ERG: variants seen among roughly 807,000 people sequenced by gnomAD.
ERG encodes the protein transcriptional regulator ERG.
A neutral mutation model predicts 55.3 loss-of-function variants in ERG; 9 were observed. The observed-to-expected ratio is 0.16, with a 90% CI of 0.10 to 0.28. The LOEUF (loss-of-function observed/expected upper bound fraction) is 0.28, where lower values mean the gene tolerates loss of function less well. ERG is among the 10% of genes least tolerant of loss of function. ERG has a pLI of 1.00. For missense variants in ERG, 434 were observed against 631.6 expected (o/e 0.69, Z 3.35); for synonymous variants, 223 against 237.3 (o/e 0.94, Z 0.55).
intron 2 of ERG, among the ~76,000 whole-genome samples, chr21:38,542,205 G>A (rs1234385172): frequency 6.6e-6 from 1 of 152,060 alleles, no homozygotes; most frequent in Non-Finnish European, 1.5e-5. Context: ...GGCCAGGCTG[G>A]TCTCGAACTC....
At position 38,421,801 on chromosome 21, in the gene ERG, T is replaced by C. The variant is rs773122145; in HGVS notation, c.388+1609A>G. On this transcript the variant is annotated intron_variant, in intron 3 of 9. Transcript: ENST00000288319. ...ACTGGCCCTGGAGATAGGGCCTTTG[T>C]GGGGCTTATGTTCCATTCAGGGAAG... is the stretch of plus-strand genomic sequence containing the variant. Among the ~76,000 whole-genome samples the C allele has an allele frequency of 9.1e-4, 138 of 152,194 alleles. 2 individuals are homozygous for C. The highest frequency in any genetic ancestry group is 5.1e-4 in the Non-Finnish European group (35 of 68,028).
At chr21:38,392,310 T>C in intron 7 of ERG, 66 bp downstream of exon 7, 1 of 1,281,008 alleles carries the variant, frequency 7.8e-7, no homozygotes, top group Non-Finnish European at 1.1e-6. Flanking sequence ...AATTATTATA[T>C]ACTCCATCAA....
At chr21:38,448,604 G>A (rs2058913379) in intron 1 of ERG, among the ~76,000 whole-genome samples, 1 of 152,172 alleles carries the variant, frequency 6.6e-6, no homozygotes, top group Non-Finnish European at 1.5e-5. Context: ...TACACATTTT[G>A]GGAGTAAGAA....
At chr21:38,617,799 C>G (rs2060267374) in intron 1 of ERG, among the ~76,000 whole-genome samples, 1 of 152,210 alleles carries the variant, frequency 6.6e-6, no homozygotes, top group South Asian at 2.1e-4. Context: ...ATGTTCATAT[C>G]TGTTGTCTTT....
At chr21:38,400,715 A>C (rs1988448650) in intron 5 of ERG, 70 bp from the exon 6 acceptor site, 2 of 1,211,744 alleles carry the variant, frequency 1.7e-6, no homozygotes, top group Admixed American at 3.8e-5. Context: ...CATCAGCGCC[A>C]AATCTACTTT....
chr21:38,602,431 C>T (rs577635529), intron 1 of ERG, among the ~76,000 whole-genome samples: 5 of 152,020 alleles, frequency 3.3e-5, no homozygotes, highest in African/African-American at 7.2e-5. Context: ...GGTGACAGAG[C>T]GGGACTCTGT....
rs56711562 is a variant in ERG, at chr21:38,406,154, C to CAAAAAAAAAAAAAAAAAAAAAAAA, written c.389-2446_389-2445insTTTTTTTTTTTTTTTTTTTTTTTT. ...TGAGCGACAGAGCGAGACTCCATCT[C>CAAAAAAAAAAAAAAAAAAAAAAAA]AAAAAAAAAAAAAAAAAAAAATCAT... On this transcript the variant is annotated intron_variant, in intron 3 of 9. Transcript: ENST00000288319. Among the ~76,000 whole-genome samples the CAAAAAAAAAAAAAAAAAAAAAAAA allele has an allele frequency of 9.5e-5, 9 of 95,018 alleles. No individual in the cohort carries two copies. The East Asian group carries it at 1.8e-3, about 19-fold the overall frequency. The allele number at this position is 95,018 out of a possible 152,430, so 62.3% of individuals were successfully genotyped here.
rs551368046 is a variant in ERG, at chr21:38,382,924, C to T, written c.*479G>A. The T allele has an allele frequency of 2.6e-5, 28 of 1,066,644 alleles. No individual in the cohort carries two copies. The South Asian group carries it at 5.0e-4, about 19-fold the overall frequency. 66.1% of individuals were successfully genotyped at this position (1,066,644 alleles called of 1,614,324 possible). A position where few individuals can be genotyped will look rare whatever the true frequency, so the allele number is the denominator to read the frequency against. On this transcript the variant is annotated 3_prime_UTR_variant, in exon 10 of 10. Coordinates refer to ENST00000288319, the MANE Select transcript of ERG (RefSeq NM_182918.4). ...TCTGTTGATGGGCCACAGTCTCTCTCGTGTCTTTTCTCTTGTTTTTGATAT... is the reference window on the plus strand; with the variant it reads ...TCTGTTGATGGGCCACAGTCTCTCTTGTGTCTTTTCTCTTGTTTTTGATAT...
intron 1 of ERG, among the ~76,000 whole-genome samples, chr21:38,452,526 T>C (rs1018899387): frequency 2.6e-5 from 4 of 152,108 alleles, no homozygotes; most frequent in Non-Finnish European, 4.4e-5. Context: ...GAGATGAAAA[T>C]CTTTATCCTT....
At chr21:38,596,402 G>A (rs1601293803) in intron 1 of ERG, among the ~76,000 whole-genome samples, 1 of 152,306 alleles carries the variant, frequency 6.6e-6, no homozygotes, top group East Asian at 1.9e-4. Context: ...TAAGTGTAGA[G>A]AAAGGCACAT....
chr21:38,451,201 G>T, intron 1 of ERG: 1 of 509,514 alleles, frequency 2.0e-6, no homozygotes, highest in East Asian at 5.6e-5. Context: ...CCTGGATCTG[G>T]GATGGAATAA....
chr21:38,427,098 T>C (rs990618563), intron 2 of ERG, among the ~76,000 whole-genome samples: 1 of 151,780 alleles, frequency 6.6e-6, no homozygotes, highest in African/African-American at 2.4e-5. Flanking sequence ...AGTAGATCCT[T>C]CAGGCTGGTT....
intron 8 of ERG, 47 bp from the exon 9 acceptor site, chr21:38,391,089 T>C (rs756087274): frequency 8.1e-6 from 12 of 1,487,444 alleles, no homozygotes; most frequent in South Asian, 8.1e-5. Context: ...AGTTGTAACA[T>C]AGTATGATGT....
chr21:38,522,747 T>A (rs2059603799), intron 2 of ERG, among the ~76,000 whole-genome samples: 2 of 152,204 alleles, frequency 1.3e-5, no homozygotes, highest in Non-Finnish European at 2.9e-5. Flanking sequence ...CATAAATCAA[T>A]TTCAGATTAG....
chr21:38,386,275 G>T (rs896239011), intron 9 of ERG, among the ~76,000 whole-genome samples: 1 of 152,164 alleles, frequency 6.6e-6, no homozygotes, highest in Non-Finnish European at 1.5e-5. Context: ...AGAAATAAGA[G>T]AACTGTAAGC....
intron 3 of ERG, among the ~76,000 whole-genome samples, chr21:38,422,466 T>A (rs1989592512): frequency 6.6e-6 from 1 of 152,250 alleles, no homozygotes; most frequent in African/African-American, 2.4e-5. Flanking sequence ...TTCATCTTCC[T>A]CATCAGGGAA....
intron 2 of ERG, among the ~76,000 whole-genome samples, chr21:38,566,395 C>A (rs1285737331): frequency 1.3e-5 from 2 of 152,200 alleles, no homozygotes; most frequent in African/African-American, 4.8e-5. Context: ...TGATCCTCAA[C>A]CCCCAATTGC....
At chr21:38,487,049 G>A (rs1017659364) in intron 1 of ERG, among the ~76,000 whole-genome samples, 3 of 151,352 alleles carry the variant, frequency 2.0e-5, no homozygotes, top group Non-Finnish European at 4.4e-5. Context: ...GCTTCATATA[G>A]AGAAACTGGG....
upstream of ERG, among the ~76,000 whole-genome samples, chr21:38,589,487 A>C (rs1048852055): frequency 1.3e-5 from 2 of 152,194 alleles, no homozygotes; most frequent in Admixed American, 1.3e-4. Flanking sequence ...CCCCAACACC[A>C]GTGTAAATCC....
Sources: allele counts gnomAD v4.1 joint callset (sites outside exome capture counted in the v4.1 genomes callset), GRCh38; gene constraint gnomAD v4.1.1; transcripts MANE v1.5; gene names NCBI Gene and HGNC (gene_info 2026-07-23, HGNC 2026-07-21).